The following VAPB variants were observed in gnomAD, a reference collection of about 807,000 sequenced individuals.
The protein encoded by VAPB is VAMP associated protein B and C, also known as vesicle-associated membrane protein-associated protein B/C.
VAPB carries 7 observed loss-of-function variants against 25.6 expected under a neutral mutation model. That is an observed-to-expected ratio of 0.27 (90% CI 0.16 to 0.51). The LOEUF is 0.51. Among genes scored for constraint, VAPB ranks in the 20% least tolerant of loss-of-function variants. VAPB has a pLI of 0.97. For missense variants in VAPB, 266 were observed against 301.3 expected (o/e 0.88, Z 0.87); for synonymous variants, 112 against 109.2 (o/e 1.03, Z -0.16).
rs1293030369 is a variant in VAPB, at chr20:58,439,388, G to A, written c.396+363G>A. 21 of 264,560 alleles carry A rather than the reference G, an allele frequency of 7.9e-5. No homozygotes were observed. The South Asian group carries it at 8.7e-4, about 11-fold the overall frequency. The allele number at this position is 264,560 out of a possible 1,614,324, so 16.4% of individuals were successfully genotyped here. A position where few individuals can be genotyped will look rare whatever the true frequency, so the allele number is the denominator to read the frequency against. On this transcript the variant is annotated intron_variant, in intron 4 of 5. Coordinates refer to ENST00000475243, the MANE Select transcript of VAPB (RefSeq NM_004738.5). ...TTATCATGGTGGTTGATGGACGTGT[G>A]GGAAGCTTTCAAGTTCTCTTGTTTT...
intron 1 of VAPB, among the ~76,000 whole-genome samples, chr20:58,415,085 G>A (rs897516903): frequency 3.3e-5 from 5 of 149,934 alleles, no homozygotes; most frequent in Admixed American, 2.0e-4. Flanking sequence ...GTGGCGGCGC[G>A]AGCCTGCAAT....
intron 1 of VAPB, among the ~76,000 whole-genome samples, chr20:58,409,063 T>C (rs1988308663): frequency 1.3e-5 from 2 of 152,182 alleles, no homozygotes; most frequent in Non-Finnish European, 2.9e-5. Flanking sequence ...AGAGGAAGAA[T>C]ACAGCCATTG....
At chr20:58,423,483 AG>A (rs1988720328) in intron 2 of VAPB, among the ~76,000 whole-genome samples, 1 of 148,166 alleles carries the variant, frequency 6.7e-6, no homozygotes, top group Admixed American at 6.8e-5. Context: ...GAACATCAGC[AG>A]CTCTTCTTGG....
At chr20:58,424,531 A>G (rs752021270) in intron 2 of VAPB, among the ~76,000 whole-genome samples, 1 of 152,254 alleles carries the variant, frequency 6.6e-6, no homozygotes, top group African/African-American at 2.4e-5. Flanking sequence ...AAGATGGTAT[A>G]TAATGGGGGT....
intron 4 of VAPB, 43 bp downstream of exon 4, chr20:58,439,068 G>A: frequency 1.3e-6 from 2 of 1,547,772 alleles, no homozygotes; most frequent in Non-Finnish European, 1.8e-6. Flanking sequence ...GTTGTAAGCT[G>A]ATACTTATTT....
rs985058624 is a variant in VAPB at position 58,389,633 on chromosome 20, C to T, written c.58+116C>T. 7 of 1,143,866 alleles carry T rather than the reference C, an allele frequency of 6.1e-6. No homozygotes were observed. The Admixed American group carries it at 1.2e-4, about 20-fold the overall frequency. The allele number at this position is 1,143,866 out of a possible 1,614,324, so 70.9% of individuals were successfully genotyped here. ...CGTCCCCACCCCGACGGCGCTGTCGCGGGGGGCGGCGAGGCCGGGCCGGGC... is the reference window on the plus strand; with the variant it reads ...CGTCCCCACCCCGACGGCGCTGTCGTGGGGGGCGGCGAGGCCGGGCCGGGC... On this transcript the variant is annotated intron_variant, in intron 1 of 5. Coordinates refer to ENST00000475243, the MANE Select transcript of VAPB (RefSeq NM_004738.5).
intron 1 of VAPB, among the ~76,000 whole-genome samples, chr20:58,413,744 T>A (rs1988442691): frequency 6.6e-6 from 1 of 150,858 alleles, no homozygotes; most frequent in Non-Finnish European, 1.5e-5. Flanking sequence ...GCCCGTCACC[T>A]CCCGGGTGGG....
At chr20:58,408,292 C>T (rs1036230806) in intron 1 of VAPB, among the ~76,000 whole-genome samples, 8 of 152,148 alleles carry the variant, frequency 5.3e-5, no homozygotes, top group African/African-American at 1.9e-4. Context: ...ATTTAAAACA[C>T]TGCATTCTAA....
chr20:58,450,588 C>T lies in VAPB; in HGVS notation c.*6353C>T, dbSNP rs897569288. On this transcript the variant is annotated 3_prime_UTR_variant, in exon 6 of 6. Coordinates refer to ENST00000475243, the MANE Select transcript of VAPB (RefSeq NM_004738.5). Reference sequence around the variant, plus strand: ...AAATGATCTATTTCAGTGTTCCTTTCGCCTTTCCTCTGCTTTCTGAATAAA... The same window carrying T: ...AAATGATCTATTTCAGTGTTCCTTTTGCCTTTCCTCTGCTTTCTGAATAAA... 5 of 453,736 alleles carry T rather than the reference C, an allele frequency of 1.1e-5. No individual in the cohort carries two copies. The highest frequency in any genetic ancestry group is 7.0e-5 in the East Asian group (1 of 14,354). 28.1% of individuals were successfully genotyped at this position (453,736 alleles called of 1,614,324 possible). A position where few individuals can be genotyped will look rare whatever the true frequency, so the allele number is the denominator to read the frequency against.
At chr20:58,429,790 T>G (rs895990871) in intron 2 of VAPB, among the ~76,000 whole-genome samples, 1 of 152,226 alleles carries the variant, frequency 6.6e-6, no homozygotes, top group African/African-American at 2.4e-5. Flanking sequence ...GCCACCAGTG[T>G]GTTATTACTT....
At chr20:58,424,297 C>G (rs1988737585) in intron 2 of VAPB, among the ~76,000 whole-genome samples, 1 of 152,012 alleles carries the variant, frequency 6.6e-6, no homozygotes, top group African/African-American at 2.4e-5. Context: ...CAGCTCATCA[C>G]AGATGAGAAT....
chr20:58,432,183 C>T (rs1988941734), intron 2 of VAPB, among the ~76,000 whole-genome samples: 1 of 152,092 alleles, frequency 6.6e-6, no homozygotes, highest in Non-Finnish European at 1.5e-5. Context: ...TGGGAAGGGG[C>T]AGGCAGAGCT....
chr20:58,431,959 T>A (rs1436334870), intron 2 of VAPB, among the ~76,000 whole-genome samples: 3 of 152,190 alleles, frequency 2.0e-5, no homozygotes, highest in Non-Finnish European at 4.4e-5. Flanking sequence ...CTATGGTACC[T>A]ATTACACAGG....
In VAPB at chr20:58,402,561, C is replaced by CTTTTTTTTTTTTTTTTT. The variant is rs1568700275; in HGVS notation, c.58+13044_58+13045insTTTTTTTTTTTTTTTTT. Among the ~76,000 whole-genome samples the CTTTTTTTTTTTTTTTTT allele has an allele frequency of 8.9e-5, 10 of 111,990 alleles. 2 individuals carry two copies. The highest frequency in any genetic ancestry group is 5.8e-5 in the Non-Finnish European group (3 of 51,666). 73.5% of individuals were successfully genotyped at this position (111,990 alleles called of 152,430 possible). Reference sequence around the variant, plus strand: ...GCTGTTAGTCAGCAAGCCCCCCCACCCTTTTTTTTTTTTTTTTTTTAGATT... The same window carrying CTTTTTTTTTTTTTTTTT: ...GCTGTTAGTCAGCAAGCCCCCCCACCTTTTTTTTTTTTTTTTTCTTTTTTTTTTTTTTTTTTTAGATT... On this transcript the variant is annotated intron_variant, in intron 1 of 5. Transcript: ENST00000475243.
rs1040252787 is a variant in VAPB, at chr20:58,407,561, C to T, written c.59-10650C>T. Among the ~76,000 whole-genome samples the T allele has an allele frequency of 2.0e-5, 3 of 151,976 alleles. No individual in the cohort carries two copies. The South Asian group carries it at 6.2e-4, about 31-fold the overall frequency. On this transcript the variant is annotated intron_variant, in intron 1 of 5. Coordinates refer to ENST00000475243, the MANE Select transcript of VAPB (RefSeq NM_004738.5). Reference sequence around the variant, plus strand: ...AATGTTAATAATTTGTTAGAAGACTCGTTTTAAATCTTTCTTTAATAAAAC... The same window carrying T: ...AATGTTAATAATTTGTTAGAAGACTTGTTTTAAATCTTTCTTTAATAAAAC...
intron 1 of VAPB, among the ~76,000 whole-genome samples, chr20:58,406,621 T>G (rs1302337788): frequency 1.3e-5 from 2 of 152,228 alleles, no homozygotes; most frequent in African/African-American, 4.8e-5. Flanking sequence ...TGGTGTGAAT[T>G]GGATGTGTTG....
chr20:58,411,773 G>A (rs571433949), intron 1 of VAPB, among the ~76,000 whole-genome samples: 1 of 152,160 alleles, frequency 6.6e-6, no homozygotes, highest in African/African-American at 2.4e-5. Flanking sequence ...CCGCCTCCCT[G>A]GTTCAGGCCA....
intron 1 of VAPB, among the ~76,000 whole-genome samples, chr20:58,395,458 T>A (rs1382672677): frequency 6.6e-6 from 1 of 152,134 alleles, no homozygotes; most frequent in Non-Finnish European, 1.5e-5. Flanking sequence ...CAAGAGTGTC[T>A]TATATATCCC....
At chr20:58,429,736 C>T (rs1988885539) in intron 2 of VAPB, among the ~76,000 whole-genome samples, 1 of 152,172 alleles carries the variant, frequency 6.6e-6, no homozygotes, top group Non-Finnish European at 1.5e-5. Flanking sequence ...AATCTCCTTT[C>T]TCTTTTTAAA....
Sources: gnomAD v4.1 joint callset for allele counts (sites outside exome capture counted in the v4.1 genomes callset) on GRCh38, gnomAD v4.1.1 for gene constraint, MANE v1.5 for transcripts, NCBI Gene and HGNC (gene_info 2026-07-23, HGNC 2026-07-21) for gene names.